Variants in TMEM232 observed in about 807,000 individuals in gnomAD.
TMEM232 encodes transmembrane protein 232.
A neutral mutation model predicts 78.8 loss-of-function variants in TMEM232; 80 were observed. That is an observed-to-expected ratio of 1.01 (90% CI 0.85 to 1.22). The LOEUF is 1.22. Ranked by LOEUF, TMEM232 falls within the 50% of genes most tolerant of loss-of-function variation. The probability of loss-of-function intolerance (pLI) is 0.00; values close to 1 mark genes in which losing one functional copy is unlikely to be tolerated. For missense variants in TMEM232, 881 were observed against 742.2 expected, an observed-to-expected ratio of 1.19 and a Z score of -2.17; for synonymous variants, 297 against 254.3, an observed-to-expected ratio of 1.17 and a Z score of -1.60.
At chr5:110,703,293 T>C (rs1052727443) in intron 1 of TMEM232, among the ~76,000 whole-genome samples, 3 of 151,706 alleles carry the variant, frequency 2.0e-5, no homozygotes, top group African/African-American at 7.3e-5. Context: ...ATTTATGGTA[T>C]GGACCCAACG....
chr5:110,580,530 AT>A (rs1424178988), intron 10 of TMEM232, among the ~76,000 whole-genome samples: 3 of 151,712 alleles, frequency 2.0e-5, no homozygotes, highest in Non-Finnish European at 4.4e-5. Context: ...ACATATCCTT[AT>A]TCTTAAGCAA....
At chr5:110,439,568 C>A (rs937455197) in intron 12 of TMEM232, among the ~76,000 whole-genome samples, 2 of 151,978 alleles carry the variant, frequency 1.3e-5, no homozygotes, top group Admixed American at 6.6e-5. Context: ...GTCTCAGACA[C>A]TAGCTTCTAC....
At chr5:110,558,836 T>A (rs1477407120) in intron 11 of TMEM232, among the ~76,000 whole-genome samples, 2 of 152,168 alleles carry the variant, frequency 1.3e-5, no homozygotes, top group African/African-American at 4.8e-5. Flanking sequence ...CAGCTAGGAA[T>A]CTACAGGTCC....
At chr5:110,580,672 A>G (rs1778102360) in intron 10 of TMEM232, among the ~76,000 whole-genome samples, 1 of 151,760 alleles carries the variant, frequency 6.6e-6, no homozygotes, top group Non-Finnish European at 1.5e-5. Context: ...GCCAACTTGC[A>G]CAATACTAAA....
intron 8 of TMEM232, 116 bp from the exon 9 acceptor site, chr5:110,606,403 T>C: frequency 9.6e-7 from 1 of 1,043,956 alleles, no homozygotes; most frequent in Admixed American, 3.0e-5. Flanking sequence ...CATTACCAGA[T>C]ACATTTATTT....
At chr5:110,675,999 G>A (rs1294968214) in intron 1 of TMEM232, among the ~76,000 whole-genome samples, 1 of 152,090 alleles carries the variant, frequency 6.6e-6, no homozygotes, top group South Asian at 2.1e-4. Context: ...TAGATTCTAC[G>A]TATAAGTGAA....
chr5:110,712,664 T>C (rs939460073), intron 1 of TMEM232, among the ~76,000 whole-genome samples: 1 of 152,144 alleles, frequency 6.6e-6, no homozygotes, highest in Non-Finnish European at 1.5e-5. Context: ...TTTCTATGTA[T>C]CAGAATATAT....
At chr5:110,451,163 T>C (rs1395037668) in intron 12 of TMEM232, among the ~76,000 whole-genome samples, 1 of 152,206 alleles carries the variant, frequency 6.6e-6, no homozygotes, top group African/African-American at 2.4e-5. Context: ...CCTTGATATA[T>C]CATCTTCTCT....
chr5:110,691,513 A>C (rs1794116218), intron 1 of TMEM232, among the ~76,000 whole-genome samples: 1 of 152,208 alleles, frequency 6.6e-6, no homozygotes, highest in East Asian at 1.9e-4. Flanking sequence ...GAAAAATGGA[A>C]ATAAAATTCT....
At chr5:110,544,465 T>C (rs998073216) in intron 11 of TMEM232, among the ~76,000 whole-genome samples, 2 of 147,432 alleles carry the variant, frequency 1.4e-5, no homozygotes, top group Admixed American at 1.3e-4. Context: ...AAAAAGCCTT[T>C]ACAAAGTTCT....
At chr5:110,542,748 C>A (rs1406439512) in intron 11 of TMEM232, among the ~76,000 whole-genome samples, 7 of 152,130 alleles carry the variant, frequency 4.6e-5, no homozygotes, top group Non-Finnish European at 1.0e-4. Context: ...AAAACCCCAA[C>A]TTCTCATGCC....
rs114173646 is a variant in TMEM232 at position 110,483,453 on chromosome 5, G to C, written c.1703+45135C>G. 6.5e-3 allele frequency among the ~76,000 whole-genome samples: 983 copies of C among 152,166 alleles called. 13 individuals are homozygous for C. The highest frequency in any genetic ancestry group is 0.023 in the African/African-American group (936 of 41,532). On this transcript the variant is annotated intron_variant, in intron 12 of 13. Transcript: ENST00000455884. The stretch of plus-strand genomic sequence containing the variant: ...AATGTAAATATGTTCAACCATTTTG[G>C]AAATAAGTTTGAAGATTTCATCATT...
At chr5:110,673,201 G>A (rs913659321) in intron 1 of TMEM232, among the ~76,000 whole-genome samples, 7 of 151,094 alleles carry the variant, frequency 4.6e-5, no homozygotes, top group Admixed American at 1.3e-4. Flanking sequence ...ACTATTGCAA[G>A]GACAAAAAAC....
At chr5:110,561,217 A>G (rs1775696891) in intron 11 of TMEM232, among the ~76,000 whole-genome samples, 1 of 152,142 alleles carries the variant, frequency 6.6e-6, no homozygotes, top group Admixed American at 6.6e-5. Flanking sequence ...AATGTTTAAG[A>G]GCACTGGCTA....
intron 5 of TMEM232, 37 bp downstream of exon 5, chr5:110,638,161 A>G (rs1172978723): frequency 1.4e-6 from 2 of 1,469,438 alleles, no homozygotes; most frequent in East Asian, 5.0e-5. Context: ...TAGTATGTGA[A>G]ATATTTAAAA....
chr5:110,538,120 A>G (rs1480065271), intron 11 of TMEM232, among the ~76,000 whole-genome samples: 3 of 152,320 alleles, frequency 2.0e-5, no homozygotes, highest in Non-Finnish European at 4.4e-5. Context: ...AAGGCAGTAA[A>G]TAATGTAAAT....
intron 2 of TMEM232, among the ~76,000 whole-genome samples, chr5:110,666,158 G>T (rs551199133): frequency 6.6e-6 from 1 of 152,120 alleles, no homozygotes; most frequent in South Asian, 2.1e-4. Flanking sequence ...TAAATCCAGG[G>T]CTTTTGAAAT....
rs570046164 is a variant in TMEM232 at position 110,620,728 on chromosome 5, A to C, written c.769-2166T>G. On this transcript the variant is annotated intron_variant, in intron 7 of 13. Transcript: ENST00000455884. The stretch of plus-strand genomic sequence containing the variant: ...ATAAACCCAATATGTCTAATTGCAG[A>C]TGTGCTCCTAGTGGCCTTTGGCAGT... Among the ~76,000 whole-genome samples the C allele has an allele frequency of 2.3e-4, 35 of 150,264 alleles. No individual in the cohort carries two copies. In the South Asian group the frequency reaches 4.2e-3, roughly 18 times the overall value.
At chr5:110,715,902 G>T (rs921803963) in intron 1 of TMEM232, among the ~76,000 whole-genome samples, 1 of 152,092 alleles carries the variant, frequency 6.6e-6, no homozygotes, top group African/African-American at 2.4e-5. Flanking sequence ...AACTTTGGTC[G>T]CTATAACCTC....
Sources: allele counts gnomAD v4.1 joint callset (sites outside exome capture counted in the v4.1 genomes callset), GRCh38; gene constraint gnomAD v4.1.1; transcripts MANE v1.5; gene names NCBI Gene and HGNC (gene_info 2026-07-23, HGNC 2026-07-21).